The following TULP4 variants were observed in gnomAD, a reference collection of about 807,000 sequenced individuals.
The protein encoded by TULP4 is tubby-related protein 4.
In TULP4, 16 loss-of-function variants were observed where a neutral mutation model predicts 129.0. That is an observed-to-expected ratio of 0.12 (90% CI 0.08 to 0.19). The LOEUF (loss-of-function observed/expected upper bound fraction) is 0.19, where lower values mean the gene tolerates loss of function less well. Ranked by LOEUF, TULP4 falls within the 10% of genes least tolerant of loss-of-function variation. TULP4 has a pLI of 1.00. For missense variants in TULP4, 1,842 were observed against 2,059.1 expected (o/e 0.89, Z 2.04); for synonymous variants, 998 against 854.0 (o/e 1.17, Z -2.94).
intron 2 of TULP4, among the ~76,000 whole-genome samples, chr6:158,416,538 T>A (rs1583852660): frequency 6.6e-6 from 1 of 152,262 alleles, no homozygotes; most frequent in East Asian, 1.9e-4. Context: ...GTTTGTGTTT[T>A]AAGTGTTATT....
intron 6 of TULP4, among the ~76,000 whole-genome samples, chr6:158,465,226 G>C (rs1779528521): frequency 6.6e-6 from 1 of 152,150 alleles, no homozygotes; most frequent in Non-Finnish European, 1.5e-5. Flanking sequence ...AGGTTGGGTG[G>C]CTTAGAATTT....
chr6:158,243,689 A>G (rs532516370), intron 1 of TULP4, among the ~76,000 whole-genome samples: 2 of 152,086 alleles, frequency 1.3e-5, no homozygotes, highest in East Asian at 3.9e-4. Context: ...AAAGAATCCA[A>G]TTTTATTTTT....
intron 6 of TULP4, among the ~76,000 whole-genome samples, chr6:158,477,507 T>C (rs1306400246): frequency 6.6e-6 from 1 of 152,086 alleles, no homozygotes; most frequent in African/African-American, 2.4e-5. Flanking sequence ...AACAAGCATA[T>C]GAAAAATGCT....
intron 1 of TULP4, among the ~76,000 whole-genome samples, chr6:158,408,043 TGA>T (rs146651761): frequency 1.3e-5 from 2 of 151,822 alleles, no homozygotes; most frequent in African/African-American, 2.4e-5. Context: ...ATCTTACTCT[TGA>T]GAGAGAGAGA....
chr6:158,376,939 G>T (rs903238260), intron 1 of TULP4, among the ~76,000 whole-genome samples: 23 of 152,228 alleles, frequency 1.5e-4, no homozygotes, highest in Non-Finnish European at 2.9e-4. Context: ...GACAGCAACT[G>T]CCTACCTCGA....
In TULP4 at chr6:158,493,834, T is replaced by C. The variant is rs1339211793; in HGVS notation, c.1776+117T>C. The C allele has an allele frequency of 9.2e-6, 11 of 1,193,882 alleles. No homozygotes were observed. The highest frequency in any genetic ancestry group is 1.1e-5 in the Non-Finnish European group (10 of 888,228). 74.0% of individuals were successfully genotyped at this position (1,193,882 alleles called of 1,614,324 possible). On this transcript the variant is annotated intron_variant, in intron 10 of 13. Transcript: ENST00000367097. The surrounding 1 kb of genome is among the most constrained non-coding windows in gnomAD (Gnocchi z 4.4). The stretch of plus-strand genomic sequence containing the variant: ...GCCACCATGGGTCCCTGAGCTCTGC[T>C]CCACATCCTGCACACCACCTACTAC...
At chr6:158,299,711 C>T (rs1029249720) in intron 1 of TULP4, among the ~76,000 whole-genome samples, 8 of 152,096 alleles carry the variant, frequency 5.3e-5, no homozygotes, top group African/African-American at 9.7e-5. Context: ...CAGCCACACA[C>T]GATATCGTTA....
At chr6:158,267,642 T>C (rs1184560772) in intron 1 of TULP4, among the ~76,000 whole-genome samples, 1 of 152,202 alleles carries the variant, frequency 6.6e-6, no homozygotes. Context: ...TCAGGACAAT[T>C]TATACCCTTT....
intron 1 of TULP4, among the ~76,000 whole-genome samples, chr6:158,385,862 T>TTTTTTTTTTTTTTTTTTTTTTTC (rs71030163): frequency 6.9e-6 from 1 of 144,378 alleles, no homozygotes; most frequent in Non-Finnish European, 1.5e-5. Flanking sequence ...TTTTTTTTTT[T>TTTTTTTTTTTTTTTTTTTTTTTC]GAGAAAAAGT....
intron 1 of TULP4, among the ~76,000 whole-genome samples, chr6:158,288,792 G>A (rs1778877732): frequency 1.3e-5 from 2 of 152,122 alleles, no homozygotes; most frequent in African/African-American, 2.4e-5. Context: ...GAGCCACCGC[G>A]CCCAGCCATG....
chr6:158,237,289 T>C (rs902585255), intron 1 of TULP4: 7 of 1,350,260 alleles, frequency 5.2e-6, no homozygotes, highest in Non-Finnish European at 7.4e-6. Flanking sequence ...ATATTCCTAA[T>C]GTTACCGAGA....
intron 1 of TULP4, among the ~76,000 whole-genome samples, chr6:158,365,281 C>T (rs1357593241): frequency 1.3e-5 from 2 of 151,820 alleles, no homozygotes; most frequent in African/African-American, 2.4e-5. Flanking sequence ...ATTTAATTTA[C>T]TAATTCTCTC....
intron 1 of TULP4, among the ~76,000 whole-genome samples, chr6:158,333,574 C>T (rs1450375295): frequency 6.6e-6 from 1 of 152,214 alleles, no homozygotes; most frequent in Non-Finnish European, 1.5e-5. Context: ...TCCCTCTGCC[C>T]ACCTTCCCAA....
chr6:158,335,558 C>G (rs1487919303), intron 1 of TULP4, among the ~76,000 whole-genome samples: 1 of 152,198 alleles, frequency 6.6e-6, no homozygotes, highest in Admixed American at 6.5e-5. Context: ...TTCATCCCTC[C>G]CACTTCATCC....
intron 1 of TULP4, among the ~76,000 whole-genome samples, chr6:158,301,731 G>A (rs1376935358): frequency 1.3e-5 from 2 of 152,158 alleles, no homozygotes; most frequent in East Asian, 3.9e-4. Flanking sequence ...CTGTACCCTA[G>A]ACAACTGGGC....
chr6:158,476,341 C>T (rs1413472586), intron 6 of TULP4, among the ~76,000 whole-genome samples: 1 of 152,122 alleles, frequency 6.6e-6, no homozygotes, highest in Non-Finnish European at 1.5e-5. Flanking sequence ...GAGGGGATTT[C>T]CTGGTAACGT....
chr6:158,313,287 T>C lies in TULP4; in HGVS notation c.-730T>C, dbSNP rs1779405439. The C allele has an allele frequency of 5.2e-6, 2 of 387,860 alleles. No homozygotes were observed. Among genetic ancestry groups the C allele is most frequent in the African/African-American group, 4.1e-5 (2 of 48,426 alleles). 24.0% of individuals were successfully genotyped at this position (387,860 alleles called of 1,614,324 possible). Reference sequence around the variant, plus strand: ...GTTCCCCGGGGACACAGGGCCAAGCTTTGAGGTGGAAAGTTTCTGGTTCTG... The same window carrying C: ...GTTCCCCGGGGACACAGGGCCAAGCCTTGAGGTGGAAAGTTTCTGGTTCTG... On this transcript the variant is annotated 5_prime_UTR_variant, in exon 1 of 14. Coordinates refer to ENST00000367097, the MANE Select transcript of TULP4 (RefSeq NM_020245.5).
chr6:158,450,928 G>T (rs796477061), intron 4 of TULP4, among the ~76,000 whole-genome samples: 1 of 152,078 alleles, frequency 6.6e-6, no homozygotes, highest in East Asian at 1.9e-4. Context: ...AGCCAAGCAT[G>T]GTGGTGGGCA....
chr6:158,317,344 A>C, intron 1 of TULP4, among the ~76,000 whole-genome samples: 1 of 125,554 alleles, frequency 8.0e-6, no homozygotes, highest in South Asian at 2.6e-4. Context: ...AGGCCCCCAT[A>C]TGTGATGTTC....
Sources: allele counts gnomAD v4.1 joint callset (sites outside exome capture counted in the v4.1 genomes callset), GRCh38; gene constraint gnomAD v4.1.1; non-coding constraint Gnocchi (gnomAD v3.1); transcripts MANE v1.5; gene names NCBI Gene and HGNC (gene_info 2026-07-23, HGNC 2026-07-21).